The following NDUFAF4 variants were observed in gnomAD, a reference collection of about 807,000 sequenced individuals.
NDUFAF4 encodes the protein NADH:ubiquinone oxidoreductase complex assembly factor 4, also known as NADH dehydrogenase [ubiquinone] 1 alpha subcomplex assembly factor 4.
Under a neutral mutation model 15.6 loss-of-function variants are expected in NDUFAF4, and 10 were observed. The ratio of observed to expected loss-of-function variants is 0.64; its 90% confidence interval spans 0.40 to 1.09. The LOEUF (loss-of-function observed/expected upper bound fraction) is 1.09, where lower values mean the gene tolerates loss of function less well. Ranked by LOEUF, NDUFAF4 falls within the 50% of genes least tolerant of loss-of-function variation. The pLI, the probability that NDUFAF4 is intolerant of heterozygous loss-of-function variation, is 0.01. For synonymous variants in NDUFAF4, 77 were observed against 73.3 expected (o/e 1.05, Z -0.26); for missense variants, 203 against 207.3 (o/e 0.98, Z 0.13).
Position 96,891,180 on chromosome 6 carries a change from G to T in NDUFAF4, c.452C>A (p.Ser151Tyr), listed in dbSNP as rs201955429. Reference sequence around the variant, plus strand: ...AAAAGTAACAAAATATTTAAGAAGAGAATTCACATCTTTCTGTTCTAACTG... The same window carrying T: ...AAAAGTAACAAAATATTTAAGAAGATAATTCACATCTTTCTGTTCTAACTG... ...EYQLEQKDVN[S>Y]LLKYFVTFEV... Residue 151 changes from serine (S) to tyrosine (Y), a missense_variant, in exon 3 of 3, where the codon TCT (serine) becomes TAT (tyrosine). By Grantham distance (144) the Ser-to-Tyr change is moderately radical (BLOSUM62 -2). Coordinates refer to ENST00000316149, the MANE Select transcript of NDUFAF4 (RefSeq NM_014165.4). The T allele has an allele frequency of 1.9e-6, 3 of 1,612,894 alleles. No individual in the cohort carries two copies. Among genetic ancestry groups the T allele is most frequent in the East Asian group, 2.2e-5 (1 of 44,840 alleles).
At chr6:96,896,924 CTTTCT>C (rs1277749401) in intron 1 of NDUFAF4, 77 bp from the exon 2 acceptor site, 9 of 1,066,860 alleles carry the variant, frequency 8.4e-6, no homozygotes, top group South Asian at 2.5e-5. Context: ...AACACAAACG[CTTTCT>C]TTTATTTTCT....
Position 96,894,413 on chromosome 6 carries a change from C to G in NDUFAF4, c.240+2331G>C, listed in dbSNP as rs1330022182. ...GCAACTCAGTTATGCCAAAGAGAAG[C>G]CATAAAGTGCTTCCTTCAAGTGAAA... On this transcript the variant is annotated intron_variant, in intron 2 of 2. Transcript: ENST00000316149. 2.6e-5 allele frequency among the ~76,000 whole-genome samples: 4 copies of G among 152,170 alleles called. No individual in the cohort carries two copies. The East Asian group carries it at 7.7e-4, about 29-fold the overall frequency.
At position 96,890,021 on chromosome 6, in the gene NDUFAF4, T is replaced by C. The variant is rs1775292814; in HGVS notation, c.*1083A>G. On this transcript the variant is annotated 3_prime_UTR_variant, in exon 3 of 3. Transcript: ENST00000316149. ...ATTTAGGGTAGCATTATGCTTATTTTATAGAAGAAACTCAATCTCCAAGAA... is the reference window on the plus strand; with the variant it reads ...ATTTAGGGTAGCATTATGCTTATTTCATAGAAGAAACTCAATCTCCAAGAA... The C allele has an allele frequency of 6.6e-6, 1 of 152,152 alleles. No homozygotes were observed. The highest frequency in any genetic ancestry group is 1.5e-5 in the Non-Finnish European group (1 of 68,020). 9.4% of individuals were successfully genotyped at this position (152,152 alleles called of 1,614,324 possible).
intron 2 of NDUFAF4, among the ~76,000 whole-genome samples, chr6:96,895,404 A>G (rs974139405): frequency 3.3e-5 from 5 of 152,202 alleles, no homozygotes; most frequent in Admixed American, 1.3e-4. Flanking sequence ...CATCACAACC[A>G]TGAACTGCCC....
chr6:96,896,384 C>T (rs1775372850), intron 2 of NDUFAF4, among the ~76,000 whole-genome samples: 2 of 152,126 alleles, frequency 1.3e-5, no homozygotes, highest in African/African-American at 2.4e-5. Flanking sequence ...TAGAACATAC[C>T]TCAATCCACA....
rs1015000764 is a variant in NDUFAF4 at position 96,891,453 on chromosome 6, T to A, written c.241-62A>T. ...AAGATTTGACATCTACTTTCATACT[T>A]CTCAAATCTACACTATTCCTCTTCA... On this transcript the variant is annotated intron_variant, in intron 2 of 2. Coordinates refer to ENST00000316149, the MANE Select transcript of NDUFAF4 (RefSeq NM_014165.4). 3 of 1,454,822 alleles carry A rather than the reference T, an allele frequency of 2.1e-6. No homozygotes were observed. The African/African-American group carries it at 4.2e-5, about 21-fold the overall frequency. The allele number at this position is 1,454,822 out of a possible 1,614,324, so 90.1% of individuals were successfully genotyped here.
chr6:96,892,692 C>T lies in NDUFAF4; in HGVS notation c.241-1301G>A, dbSNP rs139320085. On this transcript the variant is annotated intron_variant, in intron 2 of 2. Transcript: ENST00000316149. ...ACTATCTTCCCCCTTGGTTTCCATG[C>T]CACCCCCTCACAGTTTTCCATCGGT... 3.8e-3 allele frequency among the ~76,000 whole-genome samples: 583 copies of T among 152,186 alleles called. 5 individuals carry two copies. Among genetic ancestry groups the T allele is most frequent in the African/African-American group, 0.014 (561 of 41,520 alleles).
At position 96,889,557 on chromosome 6, in the gene NDUFAF4, CTAGG is replaced by C. The variant is rs1459687335; in HGVS notation, c.*1543_*1546del. 2.5e-4 allele frequency: 38 copies of C among 152,600 alleles called. No individual in the cohort carries two copies. The highest frequency in any genetic ancestry group is 1.5e-3 in the Admixed American group (23 of 15,300). 9.5% of individuals were successfully genotyped at this position (152,600 alleles called of 1,614,324 possible). A position where few individuals can be genotyped will look rare whatever the true frequency, so the allele number is the denominator to read the frequency against. On this transcript the variant is annotated 3_prime_UTR_variant, in exon 3 of 3. Coordinates refer to ENST00000316149, the MANE Select transcript of NDUFAF4 (RefSeq NM_014165.4). ...ATTATTGTATTGAACTAAAAATAAA[CTAGG>C]TAGTTTGTTCACATAACAAATCTAC... is the stretch of plus-strand genomic sequence containing the variant.
intron 2 of NDUFAF4, among the ~76,000 whole-genome samples, chr6:96,893,116 C>T (rs1775334451): frequency 6.6e-6 from 1 of 152,104 alleles, no homozygotes; most frequent in African/African-American, 2.4e-5. Context: ...TTACTCATTA[C>T]ACCAATCAAT....
chr6:96,890,722 A>T lies in NDUFAF4; in HGVS notation c.*382T>A, dbSNP rs1971475. On this transcript the variant is annotated 3_prime_UTR_variant, in exon 3 of 3. Coordinates refer to ENST00000316149, the MANE Select transcript of NDUFAF4 (RefSeq NM_014165.4). ...AAGCTTTTACTTTCACTATCGCATG[A>T]GAAGAATGAACTAAACACCTAACTT... 168,077 of 187,490 alleles carry T rather than the reference A, an allele frequency of 0.9. 75,533 individuals are homozygous for T. Among genetic ancestry groups the T allele is most frequent in the East Asian group, 1 (6,505 of 6,510 alleles). 11.6% of individuals were successfully genotyped at this position (187,490 alleles called of 1,614,324 possible).
At chr6:96,894,149 C>T (rs1775344695) in intron 2 of NDUFAF4, among the ~76,000 whole-genome samples, 1 of 152,104 alleles carries the variant, frequency 6.6e-6, no homozygotes, top group Non-Finnish European at 1.5e-5. Context: ...GTAAACAATC[C>T]ATAAGGTTCA....
At chr6:96,892,709 T>C (rs1440504239) in intron 2 of NDUFAF4, among the ~76,000 whole-genome samples, 1 of 152,104 alleles carries the variant, frequency 6.6e-6, no homozygotes, top group African/African-American at 2.4e-5. Flanking sequence ...CTCACAGTTT[T>C]CCATCGGTTT....
In NDUFAF4 at chr6:96,889,762, T is replaced by C. The variant is rs527368943; in HGVS notation, c.*1342A>G. On this transcript the variant is annotated 3_prime_UTR_variant, in exon 3 of 3. Coordinates refer to ENST00000316149, the MANE Select transcript of NDUFAF4 (RefSeq NM_014165.4). The stretch of plus-strand genomic sequence containing the variant: ...CCCTCGGAAGCACTAATAACCCTAA[T>C]ATACCCACAATTCACACCTTTTCCC... The C allele has an allele frequency of 3.3e-5, 5 of 152,458 alleles. No homozygotes were observed. In the South Asian group the frequency reaches 1.0e-3, roughly 32 times the overall value. The allele number at this position is 152,458 out of a possible 1,614,324, so 9.4% of individuals were successfully genotyped here. A position where few individuals can be genotyped will look rare whatever the true frequency, so the allele number is the denominator to read the frequency against.
rs552417314 is a variant in NDUFAF4 at position 96,891,693 on chromosome 6, G to A, written c.241-302C>T. Among the ~76,000 whole-genome samples, 3 of 151,802 alleles carry A rather than the reference G, an allele frequency of 2.0e-5. No individual in the cohort carries two copies. In the East Asian group the frequency reaches 5.9e-4, roughly 30 times the overall value. On this transcript the variant is annotated intron_variant, in intron 2 of 2. Coordinates refer to ENST00000316149, the MANE Select transcript of NDUFAF4 (RefSeq NM_014165.4). ...CCCACACCCCGCTTCTGCTTGCTCT[G>A]GCAATATAAGCCGTGCCTGCTTCCC...
In NDUFAF4 at chr6:96,897,738, T is replaced by C. The variant is rs112722560; in HGVS notation, c.64A>G (p.Ile22Val). Reference protein sequence around the residue: ...FNLENRAEREISKMKPSVAPR... With the variant: ...FNLENRAEREVSKMKPSVAPR... ...GCGACAGAGGGCTTCATCTTGCTGA[T>C]TTCCCGTTCCGCTCGGTTCTCTAGG... Residue 22 changes from isoleucine to valine, a missense_variant, in exon 1 of 3, where the codon ATC becomes GTC. Transcript: ENST00000316149. 34 of 1,614,060 alleles carry C rather than the reference T, an allele frequency of 2.1e-5. 2 individuals carry two copies. The African/African-American group carries it at 2.3e-4, about 11-fold the overall frequency.
rs1775412535 is a variant in NDUFAF4 at position 96,897,856 on chromosome 6, G to A, written c.-55C>T. The stretch of plus-strand genomic sequence containing the variant: ...GGCCGCACGTGGGAACACCGGCGCA[G>A]GACAACTCCGGGACACCCGGAGCAT... On this transcript the variant is annotated 5_prime_UTR_variant, in exon 1 of 3. Coordinates refer to ENST00000316149, the MANE Select transcript of NDUFAF4 (RefSeq NM_014165.4). 1.2e-6 allele frequency: 2 copies of A among 1,612,316 alleles called. No individual in the cohort carries two copies. Among genetic ancestry groups the A allele is most frequent in the Non-Finnish European group, 1.7e-6 (2 of 1,179,158 alleles).
intron 2 of NDUFAF4, among the ~76,000 whole-genome samples, chr6:96,895,825 A>G (rs2127975025): frequency 6.6e-6 from 1 of 152,320 alleles, no homozygotes; most frequent in Middle Eastern, 3.4e-3. Flanking sequence ...TAATAATTCT[A>G]TCTGTGCAAA....
At chr6:96,891,854 A>G (rs977049965) in intron 2 of NDUFAF4, among the ~76,000 whole-genome samples, 1 of 152,084 alleles carries the variant, frequency 6.6e-6, no homozygotes, top group Admixed American at 6.5e-5. Context: ...ATTTCTTTAC[A>G]TCAGTGCAAG....
chr6:96,893,962 T>C (rs937409392), intron 2 of NDUFAF4, among the ~76,000 whole-genome samples: 2 of 152,190 alleles, frequency 1.3e-5, no homozygotes, highest in African/African-American at 4.8e-5. Context: ...TAATTCTACA[T>C]AGATATATCT....
Sources: gnomAD v4.1 joint callset for allele counts (sites outside exome capture counted in the v4.1 genomes callset) on GRCh38, gnomAD v4.1.1 for gene constraint, MANE v1.5 for transcripts, NCBI Gene and HGNC (gene_info 2026-07-23, HGNC 2026-07-21) for gene names.